Variants in PTPRD observed in about 807,000 individuals in gnomAD.
PTPRD encodes the protein protein tyrosine phosphatase receptor type D.
A neutral mutation model predicts 214.5 loss-of-function variants in PTPRD; 34 were observed. The ratio of observed to expected loss-of-function variants is 0.16; its 90% CI spans 0.12 to 0.21. PTPRD has a LOEUF of 0.21. PTPRD is among the 10% of genes least tolerant of loss of function. The pLI is 1.00. For missense variants in PTPRD, 2,545 were observed against 2,398.7 expected (o/e 1.06, Z -1.27); for synonymous variants, 1,128 against 845.7 (o/e 1.33, Z -5.79).
chr9:8,475,289 T>C (rs72692993), intron 30 of PTPRD, among the ~76,000 whole-genome samples: 3,618 of 152,290 alleles, frequency 0.024, 114 homozygotes, highest in African/African-American at 0.07. Context: ...TTTTAAGATG[T>C]TAACACTCTC....
chr9:10,168,089 C>T (rs2099170518), intron 3 of PTPRD, among the ~76,000 whole-genome samples: 1 of 152,136 alleles, frequency 6.6e-6, no homozygotes, highest in Admixed American at 6.5e-5. Context: ...CTGTGTAGAA[C>T]ATCTTGAAGT....
intron 9 of PTPRD, among the ~76,000 whole-genome samples, chr9:9,359,741 ATGACT>A (rs2138929138): frequency 6.6e-6 from 1 of 151,320 alleles, no homozygotes; most frequent in South Asian, 2.1e-4. Flanking sequence ...GATGCTGATA[ATGACT>A]TTATTGACAT....
At chr9:8,477,083 C>T (rs555312422) in intron 30 of PTPRD, among the ~76,000 whole-genome samples, 2 of 150,458 alleles carry the variant, frequency 1.3e-5, no homozygotes, top group South Asian at 2.1e-4. Flanking sequence ...AAATTCATAT[C>T]AACCAAATCA....
At position 9,480,995 on chromosome 9, in the gene PTPRD, T is replaced by C. The variant is rs549891340; in HGVS notation, c.-236-83513A>G. Among the ~76,000 whole-genome samples the C allele has an allele frequency of 4.6e-5, 7 of 152,250 alleles. No individual in the cohort carries two copies. In the South Asian group the frequency reaches 1.5e-3, roughly 32 times the overall value. On this transcript the variant is annotated intron_variant, in intron 8 of 45. Transcript: ENST00000381196. Reference sequence around the variant, plus strand: ...CTGTTTCTCTGGGCCCTACGTTATCTGTTGAAGACATGTAATAATGCCTAT... The same window carrying C: ...CTGTTTCTCTGGGCCCTACGTTATCCGTTGAAGACATGTAATAATGCCTAT...
chr9:9,803,905 C>A (rs1201831699), intron 5 of PTPRD: 2 of 151,980 alleles, frequency 1.3e-5, no homozygotes, highest in Non-Finnish European at 2.9e-5. Context: ...TACAAGAGAT[C>A]TAGATTTTGT....
rs569250978 is a variant in PTPRD, at chr9:9,141,757, G to A, written c.-143+41547C>T. Reference sequence around the variant, plus strand: ...AACATATATTTATATATTATCTCATGCATATTAATATAAACATATTCATAT... The same window carrying A: ...AACATATATTTATATATTATCTCATACATATTAATATAAACATATTCATAT... On this transcript the variant is annotated intron_variant, in intron 10 of 45. Transcript: ENST00000381196. Among the ~76,000 whole-genome samples, 155 of 150,630 alleles carry A rather than the reference G, an allele frequency of 1.0e-3. 1 individual carries two copies. Among genetic ancestry groups the A allele is most frequent in the African/African-American group, 3.5e-3 (146 of 41,198 alleles).
At chr9:9,901,480 A>T (rs967535845) in intron 5 of PTPRD, among the ~76,000 whole-genome samples, 1 of 152,060 alleles carries the variant, frequency 6.6e-6, no homozygotes, top group Non-Finnish European at 1.5e-5. Flanking sequence ...TTAACACAGT[A>T]ATTTCTGATA....
chr9:8,350,713 A>G (rs2075210216), intron 39 of PTPRD, among the ~76,000 whole-genome samples: 1 of 152,160 alleles, frequency 6.6e-6, no homozygotes, highest in South Asian at 2.1e-4. Context: ...TACCTAGGAT[A>G]ACTAGAGAAA....
At chr9:9,651,241 C>CT (rs961147594) in intron 7 of PTPRD, among the ~76,000 whole-genome samples, 102 of 151,940 alleles carry the variant, frequency 6.7e-4, no homozygotes, top group African/African-American at 2.4e-3. Flanking sequence ...CCAATAACAT[C>CT]TTTTTTTTAA....
chr9:8,593,503 T>C (rs769427620), intron 14 of PTPRD, among the ~76,000 whole-genome samples: 3 of 152,230 alleles, frequency 2.0e-5, no homozygotes, highest in Non-Finnish European at 4.4e-5. Flanking sequence ...TAGATATAAC[T>C]AGTAGATCTT....
chr9:10,036,072 ATCT>A (rs2097175228), intron 3 of PTPRD, among the ~76,000 whole-genome samples: 3 of 152,164 alleles, frequency 2.0e-5, no homozygotes, highest in Non-Finnish European at 2.9e-5. Flanking sequence ...CAACATTGGT[ATCT>A]GGCAGTATAC....
At chr9:9,360,254 G>C (rs2138973540) in intron 9 of PTPRD, among the ~76,000 whole-genome samples, 1 of 136,402 alleles carries the variant, frequency 7.3e-6, no homozygotes, top group South Asian at 2.3e-4. Context: ...ATAATAGATG[G>C]GAAAAAAAAA....
At chr9:10,357,229 G>C (rs1030829768) in intron 2 of PTPRD, among the ~76,000 whole-genome samples, 1 of 152,090 alleles carries the variant, frequency 6.6e-6, no homozygotes, top group Non-Finnish European at 1.5e-5. Context: ...AGGTATTTTT[G>C]AGAACACTGC....
intron 2 of PTPRD, among the ~76,000 whole-genome samples, chr9:10,468,280 G>C (rs1374626864): frequency 6.6e-6 from 1 of 152,070 alleles, no homozygotes; most frequent in Non-Finnish European, 1.5e-5. Context: ...ACTGGATAAA[G>C]ACAATGTGGC....
chr9:10,209,093 T>C (rs10809035), intron 3 of PTPRD, among the ~76,000 whole-genome samples: 91,745 of 152,078 alleles, frequency 0.6, 28,861 homozygotes, highest in Admixed American at 0.7. Context: ...TGATTTTTTT[T>C]CCACTGGAAA....
At chr9:9,117,225 T>G (rs1394576338) in intron 10 of PTPRD, among the ~76,000 whole-genome samples, 3 of 150,864 alleles carry the variant, frequency 2.0e-5, no homozygotes, top group Non-Finnish European at 2.9e-5. Flanking sequence ...ATTAAGTTTT[T>G]TTTTTTTTTT....
chr9:9,458,463 T>G (rs527627074), intron 8 of PTPRD, among the ~76,000 whole-genome samples: 2 of 152,104 alleles, frequency 1.3e-5, no homozygotes, highest in Non-Finnish European at 2.9e-5. Context: ...AGGCTAACTT[T>G]GTATAATGAG....
chr9:9,560,974 G>C (rs1318167869), intron 8 of PTPRD, among the ~76,000 whole-genome samples: 1 of 152,052 alleles, frequency 6.6e-6, no homozygotes, highest in Non-Finnish European at 1.5e-5. Context: ...AAGACAGGTA[G>C]CCTTCACTCT....
chr9:9,203,262 C>CAA (rs986208558), intron 9 of PTPRD, among the ~76,000 whole-genome samples: 6 of 151,978 alleles, frequency 3.9e-5, no homozygotes, highest in African/African-American at 1.4e-4. Flanking sequence ...CACACACACA[C>CAA]AATCAGATAT....
Sources: gnomAD v4.1 joint callset for allele counts (sites outside exome capture counted in the v4.1 genomes callset) on GRCh38, gnomAD v4.1.1 for gene constraint, MANE v1.5 for transcripts, NCBI Gene and HGNC (gene_info 2026-07-23, HGNC 2026-07-21) for gene names.